Variants in USH2A observed in about 807,000 individuals in gnomAD.
The protein encoded by USH2A is Usher syndrome 2A (autosomal recessive, mild).
A neutral mutation model predicts 538.9 loss-of-function variants in USH2A; 443 were observed. The ratio of observed to expected loss-of-function variants is 0.82; its 90% CI spans 0.76 to 0.89. The LOEUF (loss-of-function observed/expected upper bound fraction) is 0.89. Among genes scored for constraint, USH2A ranks in the 40% least tolerant of loss-of-function variants. USH2A has a pLI of 0.00. For missense variants in USH2A, 6,633 were observed against 6,324.8 expected, an observed-to-expected ratio of 1.05 and a Z score of -1.65; for synonymous variants, 2,413 against 2,273.5, an observed-to-expected ratio of 1.06 and a Z score of -1.75.
intron 41 of USH2A, among the ~76,000 whole-genome samples, 194 bp downstream of exon 41, chr1:215,888,232 G>C (rs1665114647): frequency 6.6e-6 from 1 of 152,186 alleles, no homozygotes; most frequent in African/African-American, 2.4e-5. Flanking sequence ...TATAATTAAG[G>C]GGATACAGGG....
At chr1:216,167,353 A>G (rs1251370164) in intron 21 of USH2A, among the ~76,000 whole-genome samples, 2 of 152,248 alleles carry the variant, frequency 1.3e-5, no homozygotes, top group East Asian at 3.9e-4. Context: ...CCCTATAGAT[A>G]GAAACACCTG....
chr1:216,273,643 TG>T (rs2036615954), intron 11 of USH2A, among the ~76,000 whole-genome samples: 1 of 152,084 alleles, frequency 6.6e-6, no homozygotes, highest in African/African-American at 2.4e-5. Flanking sequence ...TACATTTGTT[TG>T]GTGACTAGAT....
chr1:216,182,075 G>T (rs1374106151), intron 20 of USH2A, among the ~76,000 whole-genome samples: 2 of 152,034 alleles, frequency 1.3e-5, no homozygotes, highest in Admixed American at 6.6e-5. Context: ...TAAATTAAAA[G>T]GAGGGGGCAC....
intron 35 of USH2A, among the ~76,000 whole-genome samples, chr1:215,983,228 C>T (rs1667792951): frequency 6.6e-6 from 1 of 152,174 alleles, no homozygotes; most frequent in Non-Finnish European, 1.5e-5. Flanking sequence ...TCCCAAAGTG[C>T]TGGAATTACA....
chr1:216,234,325 T>C (rs1468829717), intron 13 of USH2A, among the ~76,000 whole-genome samples: 1 of 152,182 alleles, frequency 6.6e-6, no homozygotes, highest in Non-Finnish European at 1.5e-5. Context: ...GCTCAAAATA[T>C]GTGCCATTCA....
chr1:215,855,440 C>T (rs1664137705), intron 44 of USH2A, among the ~76,000 whole-genome samples: 1 of 152,088 alleles, frequency 6.6e-6, no homozygotes, highest in African/African-American at 2.4e-5. Context: ...ATCTACCTAA[C>T]CAAGGAGGTG....
At chr1:216,083,030 T>C (rs1264879152) in intron 26 of USH2A, among the ~76,000 whole-genome samples, 1 of 152,024 alleles carries the variant, frequency 6.6e-6, no homozygotes, top group Admixed American at 6.6e-5. Flanking sequence ...AGACCAAAAA[T>C]GATAATATTC....
At chr1:215,842,271 C>A (rs1663701418) in intron 46 of USH2A, among the ~76,000 whole-genome samples, 2 of 152,168 alleles carry the variant, frequency 1.3e-5, no homozygotes, top group Admixed American at 6.5e-5. Flanking sequence ...CCATTTCATG[C>A]CAGTCAGAAT....
At chr1:215,802,531 T>G (rs1028762450) in intron 49 of USH2A, among the ~76,000 whole-genome samples, 4 of 151,964 alleles carry the variant, frequency 2.6e-5, no homozygotes, top group Admixed American at 6.6e-5. Flanking sequence ...ATATTAGTAA[T>G]AAGTAGGGAA....
At chr1:215,751,028 C>A (rs1660607082) in intron 58 of USH2A, among the ~76,000 whole-genome samples, 1 of 152,050 alleles carries the variant, frequency 6.6e-6, no homozygotes, top group African/African-American at 2.4e-5. Flanking sequence ...TTGGTTATTG[C>A]ATTTATAAGT....
At chr1:216,176,844 A>G (rs1416813375) in intron 20 of USH2A, among the ~76,000 whole-genome samples, 5 of 152,132 alleles carry the variant, frequency 3.3e-5, no homozygotes, top group African/African-American at 1.2e-4. Context: ...TATGCATTTA[A>G]GTTTCCTTCA....
Position 216,070,249 on chromosome 1 carries a change from ATT to A in USH2A, c.5899_5900del (p.Asn1967TrpfsTer5). 6.2e-7 allele frequency: 1 copy of A among 1,614,028 alleles called. No individual in the cohort carries two copies. The highest frequency in any genetic ancestry group is 8.5e-7 in the Non-Finnish European group (1 of 1,179,914). ...CCCAGGTCACCTCAATGCTGTATCC[ATT>A]TAAGCTGCGGACTCTTGAGGGAGTT... Reference protein sequence around the residue: ...VPTPSRVRSLNGYSIEVTWDE... With the variant: ...VPTPSRVRSLXGYSIEVTWDE... On this transcript the variant is annotated frameshift_variant, in exon 30 of 72. Transcript: ENST00000307340. LOFTEE classifies it high-confidence loss of function.
At chr1:215,665,575 A>C (rs1173038670) in intron 64 of USH2A, among the ~76,000 whole-genome samples, 1 of 151,992 alleles carries the variant, frequency 6.6e-6, no homozygotes, top group Non-Finnish European at 1.5e-5. Flanking sequence ...GCCTCAGCTC[A>C]CTCCCCAAAG....
chr1:216,207,469 A>T (rs776150086), intron 15 of USH2A, 38 bp from the exon 16 acceptor site: 2 of 1,613,426 alleles, frequency 1.2e-6, no homozygotes, highest in South Asian at 2.2e-5. Flanking sequence ...TAGCAAAGCA[A>T]TCAATAAACA....
intron 36 of USH2A, among the ~76,000 whole-genome samples, chr1:215,966,210 C>T (rs574371653): frequency 1.2e-4 from 19 of 152,050 alleles, no homozygotes; most frequent in African/African-American, 3.1e-4. Flanking sequence ...CTAGCTGTAC[C>T]GGGGTCAGGA....
chr1:215,895,078 T>C (rs562072552), intron 40 of USH2A, among the ~76,000 whole-genome samples: 1 of 152,308 alleles, frequency 6.6e-6, no homozygotes, highest in Non-Finnish European at 1.5e-5. Context: ...TGTGTGCTCC[T>C]TGCCAGACAG....
In USH2A at chr1:215,892,563, T is replaced by C. The variant is rs538086765; in HGVS notation, c.7595-3509A>G. On this transcript the variant is annotated intron_variant, in intron 40 of 71. Coordinates refer to ENST00000307340, the MANE Select transcript of USH2A (RefSeq NM_206933.4). ...ATCTTGTCTTTAATCATGAATTCTT[T>C]TATCGATTTATTATTTATACCCCAA... Among the ~76,000 whole-genome samples the C allele has an allele frequency of 8.5e-5, 13 of 152,312 alleles. No individual in the cohort carries two copies. The South Asian group carries it at 2.7e-3, about 32-fold the overall frequency.
At position 215,878,890 on chromosome 1, in the gene USH2A, G is replaced by A. The variant is rs1664839061; in HGVS notation, c.8432C>T (p.Pro2811Leu). The A allele has an allele frequency of 2.5e-6, 4 of 1,613,972 alleles. No individual in the cohort carries two copies. Among genetic ancestry groups the A allele is most frequent in the Non-Finnish European group, 3.4e-6 (4 of 1,179,950 alleles). Residue 2811 changes from proline to leucine, a missense_variant, in exon 42 of 72, where the codon CCT (proline) becomes CTT (leucine). Pro to Leu is a moderately conservative substitution (Grantham distance 98). Transcript: ENST00000307340. ...GYLGGCTESL[P>L]TYVTTHPTVP... ...GGTGGGGTGAGTGGTAACATAGGTAGGTAAACTCTCTGTGCACCCTCCAAG... is the reference window on the plus strand; with the variant it reads ...GGTGGGGTGAGTGGTAACATAGGTAAGTAAACTCTCTGTGCACCCTCCAAG...
At chr1:216,314,470 G>A (rs2037473233) in intron 9 of USH2A, among the ~76,000 whole-genome samples, 1 of 151,642 alleles carries the variant, frequency 6.6e-6, no homozygotes, top group Admixed American at 6.6e-5. Flanking sequence ...ATATATTTAG[G>A]GTAAAATCTG....
Sources: allele counts gnomAD v4.1 joint callset (sites outside exome capture counted in the v4.1 genomes callset), GRCh38; gene constraint gnomAD v4.1.1; transcripts MANE v1.5; gene names NCBI Gene and HGNC (gene_info 2026-07-23, HGNC 2026-07-21).